DFFB: variants seen among roughly 807,000 people sequenced by gnomAD.
The protein encoded by DFFB is DNA fragmentation factor subunit beta.
In DFFB, 29 loss-of-function variants were observed where a neutral mutation model predicts 32.7. That is an observed-to-expected ratio of 0.89 (90% CI 0.66 to 1.21). The LOEUF (loss-of-function observed/expected upper bound fraction) is 1.21, where lower values mean the gene tolerates loss of function less well. DFFB is among the 50% of genes most tolerant of loss of function. The pLI, the probability that DFFB is intolerant of heterozygous loss-of-function variation, is 0.00. For synonymous variants in DFFB, 170 were observed against 177.1 expected, an observed-to-expected ratio of 0.96 and a Z score of 0.32; for missense variants, 398 against 440.6, an observed-to-expected ratio of 0.90 and a Z score of 0.87.
At chr1:3,869,122 C>T (rs547883001) in intron 4 of DFFB, among the ~76,000 whole-genome samples, 2 of 152,332 alleles carry the variant, frequency 1.3e-5, no homozygotes, top group Admixed American at 1.3e-4. Context: ...TACAGTGGTG[C>T]AATCTCAGCT....
At chr1:3,864,596 G>T (rs937945120) in intron 2 of DFFB, among the ~76,000 whole-genome samples, 3 of 152,092 alleles carry the variant, frequency 2.0e-5, no homozygotes, top group Non-Finnish European at 4.4e-5. Context: ...GGCAATCATG[G>T]CTCACTGCAA....
At chr1:3,861,667 A>G (rs1033267228) in intron 2 of DFFB, among the ~76,000 whole-genome samples, 4 of 152,232 alleles carry the variant, frequency 2.6e-5, no homozygotes, top group African/African-American at 7.2e-5. Context: ...GGCTCAAGCA[A>G]TCTACCCGCC....
chr1:3,876,837 T>C (rs1433770935), intron 6 of DFFB, among the ~76,000 whole-genome samples: 4 of 152,194 alleles, frequency 2.6e-5, no homozygotes, highest in Non-Finnish European at 5.9e-5. Flanking sequence ...ACACCTTCCC[T>C]CTCGGGCTGA....
At chr1:3,863,188 A>T (rs1232376733) in intron 2 of DFFB, among the ~76,000 whole-genome samples, 3 of 152,240 alleles carry the variant, frequency 2.0e-5, no homozygotes, top group African/African-American at 7.2e-5. Context: ...ATAACTTAAT[A>T]GTAAAAAGAT....
Position 3,883,552 on chromosome 1 carries a change from T to G in DFFB, c.828T>G (p.Ile276Met), listed in dbSNP as rs1339402738. ...TCATTCCTACACTGGTGGAAGCAAT[T>G]AAGGAACAAGATGGAAGAGAAGTGG... ...RTIIPTLVEA[I>M]KEQDGREVDW... Residue 276 changes from isoleucine (I) to methionine (M), a missense_variant, in exon 7 of 7, where the codon ATT (isoleucine) becomes ATG (methionine). Physicochemically the swap from Ile to Met is conservative, Grantham distance 10 (BLOSUM62 1). Transcript: ENST00000378209. 1 of 1,614,134 alleles carries G rather than the reference T, an allele frequency of 6.2e-7. No individual in the cohort carries two copies. The highest frequency in any genetic ancestry group is 1.7e-5 in the Admixed American group (1 of 60,006).
intron 4 of DFFB, among the ~76,000 whole-genome samples, chr1:3,868,632 AC>A (rs1645035594): frequency 6.6e-6 from 1 of 151,860 alleles, no homozygotes; most frequent in Non-Finnish European, 1.5e-5. Flanking sequence ...ACACCAGGCC[AC>A]ACCACACCAA....
At chr1:3,864,500 C>T (rs138620595) in intron 2 of DFFB, among the ~76,000 whole-genome samples, 6 of 152,122 alleles carry the variant, frequency 3.9e-5, no homozygotes, top group African/African-American at 1.2e-4. Flanking sequence ...ATGCATTTCC[C>T]TAATGGCTAA....
At chr1:3,876,460 T>C (rs1411524351) in intron 6 of DFFB, among the ~76,000 whole-genome samples, 1 of 152,138 alleles carries the variant, frequency 6.6e-6, no homozygotes, top group Non-Finnish European at 1.5e-5. Context: ...CACAGATAAG[T>C]GTGTTGGGTT....
At position 3,884,867 on chromosome 1, in the gene DFFB, G is replaced by T. The variant is rs1431565648; in HGVS notation, c.*1126G>T. ...ATTACAGGCATGAGCCACTGCACCT[G>T]ACCTGCTGAATTGTTTATAATGGCA... On this transcript the variant is annotated 3_prime_UTR_variant, in exon 7 of 7. Coordinates refer to ENST00000378209, the MANE Select transcript of DFFB (RefSeq NM_004402.4). 1.3e-5 allele frequency: 2 copies of T among 152,210 alleles called. No individual in the cohort carries two copies. Among genetic ancestry groups the T allele is most frequent in the Non-Finnish European group, 2.9e-5 (2 of 68,052 alleles). 9.4% of individuals were successfully genotyped at this position (152,210 alleles called of 1,614,324 possible). A position where few individuals can be genotyped will look rare whatever the true frequency, so the allele number is the denominator to read the frequency against.
At chr1:3,862,657 A>G (rs767216863) in intron 2 of DFFB, among the ~76,000 whole-genome samples, 5 of 152,226 alleles carry the variant, frequency 3.3e-5, no homozygotes, top group Non-Finnish European at 5.9e-5. Flanking sequence ...AAAAGAATGA[A>G]GTTGGACTCT....
At chr1:3,881,272 C>A (rs1215724639) in intron 6 of DFFB, among the ~76,000 whole-genome samples, 2 of 152,220 alleles carry the variant, frequency 1.3e-5, no homozygotes, top group Non-Finnish European at 2.9e-5. Flanking sequence ...AGCAGAAGGC[C>A]CCCCAGGCCA....
At chr1:3,867,774 G>C in intron 3 of DFFB, 200 bp from the exon 4 acceptor site, 1 of 582,136 alleles carries the variant, frequency 1.7e-6, no homozygotes, top group Non-Finnish European at 3.1e-6. Flanking sequence ...GATTCCCTGA[G>C]CCCAGGAGGT....
At chr1:3,882,421 G>A (rs1260121111) in intron 6 of DFFB, among the ~76,000 whole-genome samples, 3 of 151,596 alleles carry the variant, frequency 2.0e-5, no homozygotes, top group Non-Finnish European at 2.9e-5. Flanking sequence ...GCTGGAGTGC[G>A]GTGGCACAAT....
intron 5 of DFFB, among the ~76,000 whole-genome samples, chr1:3,870,527 C>T (rs372420369): frequency 5.9e-5 from 9 of 152,352 alleles, no homozygotes; most frequent in African/African-American, 2.2e-4. Context: ...GCAGTGCGCT[C>T]GCTCACCACT....
At chr1:3,880,708 C>T (rs1645319332) in intron 6 of DFFB, among the ~76,000 whole-genome samples, 1 of 151,766 alleles carries the variant, frequency 6.6e-6, no homozygotes, top group Non-Finnish European at 1.5e-5. Flanking sequence ...CCTTCTGCTG[C>T]TGTGTGTTTG....
intron 6 of DFFB, chr1:3,872,900 T>G: frequency 8.2e-7 from 1 of 1,218,064 alleles, no homozygotes; most frequent in Non-Finnish European, 1.0e-6. Flanking sequence ...TCCCAGCCCT[T>G]GGCTGTCAGA....
chr1:3,868,351 T>C (rs1450335560), intron 4 of DFFB, among the ~76,000 whole-genome samples: 3 of 152,180 alleles, frequency 2.0e-5, no homozygotes, highest in African/African-American at 7.2e-5. Flanking sequence ...CCGAGGCTTC[T>C]TCCTGGGCAG....
intron 5 of DFFB, among the ~76,000 whole-genome samples, chr1:3,870,848 G>A (rs1232262379): frequency 6.6e-6 from 1 of 152,108 alleles, no homozygotes; most frequent in East Asian, 1.9e-4. Flanking sequence ...GCTCTGCTGG[G>A]GAGGCTGTGA....
At chr1:3,875,024 C>T (rs1645196536) in intron 6 of DFFB, among the ~76,000 whole-genome samples, 1 of 152,240 alleles carries the variant, frequency 6.6e-6, no homozygotes, top group Non-Finnish European at 1.5e-5. Flanking sequence ...TTAACATGTA[C>T]ATATGTGGCG....
Sources: allele counts gnomAD v4.1 joint callset (sites outside exome capture counted in the v4.1 genomes callset), GRCh38; gene constraint gnomAD v4.1.1; transcripts MANE v1.5; gene names NCBI Gene and HGNC (gene_info 2026-07-23, HGNC 2026-07-21).